METTL2B: variants seen among roughly 807,000 people sequenced by gnomAD.
METTL2B encodes the protein methyltransferase 2B, tRNA N3-cytidine.
In METTL2B, 28 loss-of-function variants were observed where a neutral mutation model predicts 51.0. That is an observed-to-expected ratio of 0.55 (90% CI 0.41 to 0.75). The LOEUF (loss-of-function observed/expected upper bound fraction) is 0.75. METTL2B is among the 30% of genes least tolerant of loss of function. The probability of loss-of-function intolerance (pLI) is 0.00; values close to 1 mark genes in which losing one functional copy is unlikely to be tolerated. For synonymous variants in METTL2B, 128 were observed against 166.3 expected (o/e 0.77, Z 1.77); for missense variants, 313 against 460.7 (o/e 0.68, Z 2.93).
chr7:128,477,009 C>T (rs1799809567), intron 1 of METTL2B, 73 bp from the exon 2 acceptor site: 1 of 1,499,004 alleles, frequency 6.7e-7, no homozygotes, highest in Non-Finnish European at 9.0e-7. Context: ...GGGAGAGAAA[C>T]TCCTAGGCCA....
At chr7:128,484,877 G>A (rs1054267246) in intron 4 of METTL2B, among the ~76,000 whole-genome samples, 5 of 152,116 alleles carry the variant, frequency 3.3e-5, no homozygotes, top group Admixed American at 2.0e-4. Flanking sequence ...CACCGCACCC[G>A]GCTGTAATAC....
chr7:128,481,011 C>G lies in METTL2B; in HGVS notation c.608+315C>G, dbSNP rs116012176. Among the ~76,000 whole-genome samples, 433 of 152,292 alleles carry G rather than the reference C, an allele frequency of 2.8e-3. 1 individual carries two copies. Among genetic ancestry groups the G allele is most frequent in the African/African-American group, 0.01 (418 of 41,554 alleles). ...TTTGGAAAATTAGACTTAAAACTTG[C>G]TAGTGTTAACGTTTAGTGCCTTCTT... On this transcript the variant is annotated intron_variant, in intron 4 of 8. Coordinates refer to ENST00000262432, the MANE Select transcript of METTL2B (RefSeq NM_018396.3).
intron 7 of METTL2B, 99 bp from the exon 8 acceptor site, chr7:128,500,804 C>G (rs1163347735): frequency 2.8e-6 from 4 of 1,405,556 alleles, no homozygotes; most frequent in African/African-American, 1.4e-5. Flanking sequence ...CAGGAGTGCT[C>G]TCCACCCAAC....
intron 5 of METTL2B, among the ~76,000 whole-genome samples, chr7:128,491,358 G>A (rs1156436588): frequency 6.6e-6 from 1 of 151,946 alleles, no homozygotes; most frequent in Non-Finnish European, 1.5e-5. Flanking sequence ...CACTTTGGGA[G>A]GCTAAGACGG....
At chr7:128,496,560 A>G (rs1792925704) in intron 6 of METTL2B, among the ~76,000 whole-genome samples, 1 of 152,144 alleles carries the variant, frequency 6.6e-6, no homozygotes. Context: ...AAAAAAACCT[A>G]TGACTTTAGA....
intron 8 of METTL2B, chr7:128,501,496 C>T (rs1331392965): frequency 2.0e-6 from 2 of 985,254 alleles, no homozygotes; most frequent in African/African-American, 3.5e-5. Flanking sequence ...GATAGTTTTG[C>T]ATAAATTTTA....
chr7:128,500,996 A>G, intron 8 of METTL2B, 28 bp downstream of exon 8: 4 of 1,613,922 alleles, frequency 2.5e-6, no homozygotes, highest in African/African-American at 1.3e-5. Context: ...TTTTACGCTA[A>G]AAGTCCCCAG....
In METTL2B at chr7:128,479,480, T is replaced by C. The variant is rs1406361353; in HGVS notation, c.525T>C (p.Phe175=). The C allele has an allele frequency of 1.2e-6, 2 of 1,614,028 alleles. No homozygotes were observed. Among genetic ancestry groups the C allele is most frequent in the South Asian group, 1.1e-5 (1 of 91,082 alleles). ...ACCTGGAAATTTGTGCTGATGAGTT[T>C]CCTGGATCCTCAGCCACCTACCGAA... ...ISDLEICADE[F]PGSSATYRIL... The change falls in exon 3 of 9, where the codon TTT becomes TTC. Residue 175 remains phenylalanine (F), a synonymous_variant. Transcript: ENST00000262432.
At chr7:128,477,956 C>T (rs1299419345) in intron 2 of METTL2B, 1 of 449,678 alleles carries the variant, frequency 2.2e-6, no homozygotes, top group South Asian at 1.6e-5. Flanking sequence ...TAGTTAAAGA[C>T]ACTTGGACCA....
At chr7:128,489,944 A>G (rs1418049527) in intron 5 of METTL2B, among the ~76,000 whole-genome samples, 1 of 152,226 alleles carries the variant, frequency 6.6e-6, no homozygotes, top group South Asian at 2.1e-4. Flanking sequence ...TTCTTAAAAT[A>G]AGGTAACAAT....
intron 4 of METTL2B, among the ~76,000 whole-genome samples, chr7:128,481,459 AACTCAGGGAAAC>A (rs1199114133): frequency 6.6e-6 from 1 of 152,238 alleles, no homozygotes; most frequent in African/African-American, 2.4e-5. Flanking sequence ...TGGCTCACAG[AACTCAGGGAAAC>A]ACTTTACTTA....
chr7:128,488,434 T>G (rs1484201351), intron 5 of METTL2B: 1 of 605,578 alleles, frequency 1.7e-6, no homozygotes, highest in East Asian at 3.8e-5. Context: ...ATATGCTCAC[T>G]TAGTGTCTGT....
intron 4 of METTL2B, chr7:128,483,273 T>C (rs1219421177): frequency 1.3e-5 from 2 of 152,254 alleles, no homozygotes; most frequent in Admixed American, 1.3e-4. Context: ...CACTTGTTCA[T>C]GTAATTCACT....
chr7:128,491,021 T>C (rs1456292714), intron 5 of METTL2B, among the ~76,000 whole-genome samples: 2 of 151,254 alleles, frequency 1.3e-5, no homozygotes, highest in Non-Finnish European at 2.9e-5. Flanking sequence ...TTTAGCTGGG[T>C]ATGGTGGCAC....
intron 6 of METTL2B, 123 bp downstream of exon 6, chr7:128,494,066 C>T: frequency 8.0e-7 from 1 of 1,255,088 alleles, no homozygotes; most frequent in Non-Finnish European, 1.1e-6. Context: ...GATCATGGCT[C>T]ACTGCAGCCT....
At chr7:128,497,293 C>G (rs1465768413) in intron 6 of METTL2B, among the ~76,000 whole-genome samples, 2 of 152,154 alleles carry the variant, frequency 1.3e-5, no homozygotes, top group African/African-American at 2.4e-5. Flanking sequence ...GACAAGTCTT[C>G]ATTTAGCAAA....
intron 7 of METTL2B, 40 bp downstream of exon 7, chr7:128,498,182 G>A (rs760417508): frequency 6.2e-7 from 1 of 1,601,770 alleles, no homozygotes; most frequent in Non-Finnish European, 8.5e-7. Context: ...TAGAGATCAT[G>A]TCCTTTGCAG....
At chr7:128,493,696 C>T (rs1792875290) in intron 5 of METTL2B, 108 bp from the exon 6 acceptor site, 1 of 1,453,644 alleles carries the variant, frequency 6.9e-7, no homozygotes, top group Non-Finnish European at 9.3e-7. Flanking sequence ...AAATAGATCC[C>T]TCTTCGTGAA....
chr7:128,488,022 T>G (rs1485472903), intron 4 of METTL2B, 79 bp from the exon 5 acceptor site: 2 of 1,207,176 alleles, frequency 1.7e-6, no homozygotes, highest in Non-Finnish European at 2.4e-6. Flanking sequence ...ATTTGATATT[T>G]TAACTGTGCT....
Sources: gnomAD v4.1 joint callset for allele counts (sites outside exome capture counted in the v4.1 genomes callset) on GRCh38, gnomAD v4.1.1 for gene constraint, MANE v1.5 for transcripts, NCBI Gene and HGNC (gene_info 2026-07-23, HGNC 2026-07-21) for gene names.